The following INTS2 variants were observed in gnomAD, a reference collection of about 807,000 sequenced individuals.
INTS2 encodes KIAA1287.
A neutral mutation model predicts 139.6 loss-of-function variants in INTS2; 57 were observed. That is an observed-to-expected ratio of 0.41 (90% CI 0.33 to 0.51). The LOEUF is 0.51. Among genes scored for constraint, INTS2 ranks in the 20% least tolerant of loss-of-function variants. The pLI is 0.28. For missense variants in INTS2, 1,196 were observed against 1,436.7 expected (o/e 0.83, Z 2.71); for synonymous variants, 473 against 493.4 (o/e 0.96, Z 0.55).
rs960007778 is a variant in INTS2, at chr17:61,865,780, T to A, written c.*1777A>T. The A allele has an allele frequency of 6.6e-6, 1 of 152,262 alleles. No homozygotes were observed. The highest frequency in any genetic ancestry group is 1.5e-5 in the Non-Finnish European group (1 of 68,044). 9.4% of individuals were successfully genotyped at this position (152,262 alleles called of 1,614,324 possible). A position where few individuals can be genotyped will look rare whatever the true frequency, so the allele number is the denominator to read the frequency against. ...GCCTTGTTTAAAAATATGAAAATTC[T>A]TATGCTATTTTTAAGATACTTTTAT... On this transcript the variant is annotated 3_prime_UTR_variant, in exon 25 of 25. Transcript: ENST00000251334. This position sits in a 1 kb window ranked among gnomAD's most constrained non-coding sequence, Gnocchi z 4.8.
Position 61,889,846 on chromosome 17 carries a change from A to G in INTS2, c.1924T>C (p.Leu642=). 1.9e-6 allele frequency: 3 copies of G among 1,612,664 alleles called. No homozygotes were observed. The highest frequency in any genetic ancestry group is 2.5e-6 in the Non-Finnish European group (3 of 1,179,062). The change falls in exon 15 of 25, where the codon TTG becomes CTG. Residue 642 remains leucine (L), a synonymous_variant. Transcript: ENST00000251334. ...NQRFSITAQL[L]VLYYILSYEE... ...TAAGACAGTATATAGTAGAGCACCA[A>G]AAGCTGTGCTGTGATACTGAAACGC...
chr17:61,913,208 C>T (rs1324423592), intron 5 of INTS2, among the ~76,000 whole-genome samples: 1 of 151,658 alleles, frequency 6.6e-6, no homozygotes, highest in Non-Finnish European at 1.5e-5. Context: ...CATGGGGGCA[C>T]ATGACTATAG....
Position 61,927,966 on chromosome 17 carries a change from G to A in INTS2, c.-331C>T, listed in dbSNP as rs1427179917. 1.2e-6 allele frequency: 2 copies of A among 1,613,828 alleles called. No homozygotes were observed. The highest frequency in any genetic ancestry group is 1.1e-5 in the South Asian group (1 of 91,078). Reference sequence around the variant, plus strand: ...TCATCCCCAGCGTCTGACTCCCGTCGGCCACCGTACTGGTCTGAGAGGAAG... The same window carrying A: ...TCATCCCCAGCGTCTGACTCCCGTCAGCCACCGTACTGGTCTGAGAGGAAG... On this transcript the variant is annotated 5_prime_UTR_variant, in exon 1 of 25. Coordinates refer to ENST00000251334, the MANE Select transcript of INTS2 (RefSeq NM_001351695.2).
chr17:61,884,258 A>C (rs2079204803), intron 16 of INTS2, among the ~76,000 whole-genome samples: 1 of 152,134 alleles, frequency 6.6e-6, no homozygotes, highest in African/African-American at 2.4e-5. Context: ...TGGGAGGCCG[A>C]GGTGGGCAGA....
intron 8 of INTS2, among the ~76,000 whole-genome samples, chr17:61,905,907 G>A (rs897588365): frequency 6.6e-6 from 1 of 152,052 alleles, no homozygotes; most frequent in Non-Finnish European, 1.5e-5. Flanking sequence ...ATGTTGGTCA[G>A]GCTGGTCTCG....
chr17:61,872,550 G>A lies in INTS2; in HGVS notation c.2583-90C>T. ...ACATGATCAATTTAGTTTAAATGCT[G>A]AGAAAAACCTGAGTAGTACATACTA... On this transcript the variant is annotated intron_variant, in intron 19 of 24. Coordinates refer to ENST00000251334, the MANE Select transcript of INTS2 (RefSeq NM_001351695.2). The surrounding 1 kb of genome is among the most constrained non-coding windows in gnomAD (Gnocchi z 4.8). 2.4e-6 allele frequency: 2 copies of A among 837,800 alleles called. No homozygotes were observed. Among genetic ancestry groups the A allele is most frequent in the Non-Finnish European group, 3.5e-6 (2 of 571,090 alleles). The allele number at this position is 837,800 out of a possible 1,614,324, so 51.9% of individuals were successfully genotyped here. A position where few individuals can be genotyped will look rare whatever the true frequency, so the allele number is the denominator to read the frequency against.
intron 5 of INTS2, among the ~76,000 whole-genome samples, chr17:61,914,506 T>C (rs924697082): frequency 1.3e-5 from 2 of 152,102 alleles, no homozygotes; most frequent in African/African-American, 4.8e-5. Context: ...CAGACCATCC[T>C]GGCTAACACG....
rs753746375 is a variant in INTS2, at chr17:61,891,709, A to G, written c.1699-20T>C. On this transcript the variant is annotated intron_variant, in intron 13 of 24. Transcript: ENST00000251334. ...CCAATCCTAAGAAAGAATGTTATAG[A>G]CACTGAATTAATTGTGGCAAAAAGA... is the stretch of plus-strand genomic sequence containing the variant. The G allele has an allele frequency of 5.0e-5, 78 of 1,558,530 alleles. No individual in the cohort carries two copies. The highest frequency in any genetic ancestry group is 3.9e-5 in the Non-Finnish European group (45 of 1,149,824).
chr17:61,894,928 T>G (rs191107752), intron 12 of INTS2, among the ~76,000 whole-genome samples: 1 of 152,240 alleles, frequency 6.6e-6, no homozygotes, highest in Non-Finnish European at 1.5e-5. Context: ...GTATAAGAAA[T>G]TTAGACTCTA....
intron 15 of INTS2, among the ~76,000 whole-genome samples, chr17:61,888,564 C>CGTGT (rs149283427): frequency 0.021 from 2,498 of 119,638 alleles, 26 homozygotes; most frequent in Admixed American, 0.034. Flanking sequence ...TGTGTGCGTG[C>CGTGT]GTGTGTGTGT....
rs1456298635 is a variant in INTS2, at chr17:61,871,485, C to T, written c.2778+780G>A. Among the ~76,000 whole-genome samples the T allele has an allele frequency of 6.6e-6, 1 of 152,136 alleles. No homozygotes were observed. The highest frequency in any genetic ancestry group is 1.5e-5 in the Non-Finnish European group (1 of 68,010). ...TGTCATGGTATTTATCACTGCCTGA[C>T]ATTTTATTATACATGCAGTTGTTTT... On this transcript the variant is annotated intron_variant, in intron 20 of 24. Coordinates refer to ENST00000251334, the MANE Select transcript of INTS2 (RefSeq NM_001351695.2). This position sits in a 1 kb window ranked among gnomAD's most constrained non-coding sequence, Gnocchi z 4.9.
At chr17:61,901,739 C>T (rs1257848037) in intron 9 of INTS2, among the ~76,000 whole-genome samples, 1 of 151,272 alleles carries the variant, frequency 6.6e-6, no homozygotes, top group Non-Finnish European at 1.5e-5. Flanking sequence ...TGCAGGCGCC[C>T]GCCACCATGA....
chr17:61,919,788 G>A (rs369756213), intron 4 of INTS2, among the ~76,000 whole-genome samples: 2 of 152,106 alleles, frequency 1.3e-5, no homozygotes, highest in South Asian at 4.1e-4. Flanking sequence ...CAGTGCAGTG[G>A]TGTGATTATA....
At chr17:61,924,518 T>C (rs1282231914) in intron 3 of INTS2, among the ~76,000 whole-genome samples, 1 of 151,986 alleles carries the variant, frequency 6.6e-6, no homozygotes, top group Non-Finnish European at 1.5e-5. Context: ...AACAAATATA[T>C]AGAAATAAAA....
intron 5 of INTS2, among the ~76,000 whole-genome samples, chr17:61,914,845 G>A (rs1485436128): frequency 6.6e-6 from 1 of 150,880 alleles, no homozygotes; most frequent in Non-Finnish European, 1.5e-5. Flanking sequence ...CTGCACTCCA[G>A]CATGCGTGAC....
At chr17:61,881,985 A>G (rs2079182509) in intron 16 of INTS2, among the ~76,000 whole-genome samples, 2 of 152,224 alleles carry the variant, frequency 1.3e-5, no homozygotes, top group Non-Finnish European at 2.9e-5. Context: ...ACTATCATAT[A>G]TGGTTTGGAA....
chr17:61,896,289 AATG>A (rs1031523630), intron 11 of INTS2, among the ~76,000 whole-genome samples: 2 of 151,790 alleles, frequency 1.3e-5, no homozygotes, highest in Admixed American at 1.3e-4. Flanking sequence ...TAAAAATAAT[AATG>A]ATAATAATTT....
chr17:61,907,754 G>A (rs772446016), intron 7 of INTS2, 120 bp from the exon 8 acceptor site: 15 of 709,150 alleles, frequency 2.1e-5, no homozygotes, highest in East Asian at 1.3e-4. Flanking sequence ...AGAGATTGTC[G>A]TGACTACAGA....
rs1448225848 is a variant in INTS2 at position 61,882,969 on chromosome 17, G to A, written c.2090-1798C>T. On this transcript the variant is annotated intron_variant, in intron 16 of 24. Coordinates refer to ENST00000251334, the MANE Select transcript of INTS2 (RefSeq NM_001351695.2). This position sits in a 1 kb window ranked among gnomAD's most constrained non-coding sequence, Gnocchi z 4.7. ...CCCAGTAGAAACAATACGCAATTCC[G>A]TTCTCATAGAAACAGCTTAAAATTG... Among the ~76,000 whole-genome samples the A allele has an allele frequency of 1.3e-5, 2 of 151,980 alleles. No individual in the cohort carries two copies. The highest frequency in any genetic ancestry group is 1.9e-4 in the East Asian group (1 of 5,178).
Sources: gnomAD v4.1 joint callset for allele counts (sites outside exome capture counted in the v4.1 genomes callset) on GRCh38, gnomAD v4.1.1 for gene constraint, Gnocchi (gnomAD v3.1) non-coding constraint, MANE v1.5 for transcripts, NCBI Gene and HGNC (gene_info 2026-07-23, HGNC 2026-07-21) for gene names.